The following GRM1 variants were observed in gnomAD, a reference collection of about 807,000 sequenced individuals.
GRM1 encodes metabotropic glutamate receptor 1.
Under a neutral mutation model 90.9 loss-of-function variants are expected in GRM1, and 33 were observed. The ratio of observed to expected loss-of-function variants is 0.36; its 90% CI spans 0.28 to 0.49. GRM1 has a LOEUF of 0.49. GRM1 is among the 20% of genes least tolerant of loss of function. The pLI, the probability that GRM1 is intolerant of heterozygous loss-of-function variation, is 0.99. For missense variants in GRM1, 1,190 were observed against 1,534.3 expected, an observed-to-expected ratio of 0.78 and a Z score of 3.75; for synonymous variants, 700 against 613.2, an observed-to-expected ratio of 1.14 and a Z score of -2.09.
intron 7 of GRM1, among the ~76,000 whole-genome samples, chr6:146,416,279 C>T (rs952571767): frequency 1.3e-5 from 2 of 151,612 alleles, no homozygotes; most frequent in African/African-American, 2.4e-5. Flanking sequence ...ATTTATGTTC[C>T]ATTTTATTTT....
At chr6:146,088,471 G>A (rs1776616397) in intron 1 of GRM1, among the ~76,000 whole-genome samples, 1 of 152,072 alleles carries the variant, frequency 6.6e-6, no homozygotes, top group South Asian at 2.1e-4. Flanking sequence ...TGAGTGATTG[G>A]AGCTGTAATC....
chr6:146,071,044 T>G, intron 1 of GRM1, among the ~76,000 whole-genome samples: 1 of 152,218 alleles, frequency 6.6e-6, no homozygotes, highest in Non-Finnish European at 1.5e-5. Context: ...TCTGGATTTC[T>G]CTTCCAAATT....
chr6:146,117,369 T>C (rs1340551876), intron 1 of GRM1, among the ~76,000 whole-genome samples: 1 of 151,944 alleles, frequency 6.6e-6, no homozygotes, highest in Non-Finnish European at 1.5e-5. Context: ...GTTGCTGGTA[T>C]TCATCCAGTG....
At chr6:146,294,199 A>C (rs1783095126) in intron 2 of GRM1, among the ~76,000 whole-genome samples, 1 of 151,644 alleles carries the variant, frequency 6.6e-6, no homozygotes, top group African/African-American at 2.4e-5. Context: ...CTCTTTTTTA[A>C]AAAATATAAG....
intron 1 of GRM1, among the ~76,000 whole-genome samples, chr6:146,038,114 T>G (rs1199206936): frequency 2.0e-5 from 3 of 151,986 alleles, no homozygotes; most frequent in Non-Finnish European, 4.4e-5. Flanking sequence ...TCCAGCTCCT[T>G]CAGGGCAGAA....
At chr6:146,141,389 TA>T (rs1369067654) in intron 1 of GRM1, among the ~76,000 whole-genome samples, 1 of 152,114 alleles carries the variant, frequency 6.6e-6, no homozygotes, top group Non-Finnish European at 1.5e-5. Flanking sequence ...ATCTGCTTGG[TA>T]TTCTATAACT....
intron 1 of GRM1, among the ~76,000 whole-genome samples, chr6:146,041,647 C>T (rs1273487333): frequency 6.6e-6 from 1 of 151,926 alleles, no homozygotes; most frequent in Non-Finnish European, 1.5e-5. Context: ...TGCTGAACCT[C>T]CTCTCTGACT....
intron 2 of GRM1, among the ~76,000 whole-genome samples, chr6:146,231,100 T>G (rs1482336447): frequency 6.6e-6 from 1 of 152,140 alleles, no homozygotes; most frequent in Non-Finnish European, 1.5e-5. Flanking sequence ...ATTAAACATT[T>G]ATCCATGCCC....
intron 2 of GRM1, among the ~76,000 whole-genome samples, chr6:146,250,775 AC>A (rs765885165): frequency 2.0e-5 from 3 of 152,144 alleles, no homozygotes; most frequent in Non-Finnish European, 4.4e-5. Context: ...TCTATTATGA[AC>A]CCCATACCTT....
chr6:146,351,172 G>C (rs1583368775), intron 3 of GRM1, among the ~76,000 whole-genome samples: 1 of 152,118 alleles, frequency 6.6e-6, no homozygotes, highest in Non-Finnish European at 1.5e-5. Context: ...TTGGAACAAA[G>C]GGCAGCTGGC....
chr6:146,358,992 T>C (rs1174249456), intron 5 of GRM1, among the ~76,000 whole-genome samples: 1 of 152,206 alleles, frequency 6.6e-6, no homozygotes, highest in Non-Finnish European at 1.5e-5. Flanking sequence ...ACTGGAGGCC[T>C]CATGCCATGG....
intron 2 of GRM1, among the ~76,000 whole-genome samples, chr6:146,253,964 A>G (rs1055931928): frequency 1.3e-5 from 2 of 151,614 alleles, no homozygotes; most frequent in Non-Finnish European, 2.9e-5. Context: ...ATAAGACAAT[A>G]TTTTACTTTT....
chr6:146,053,238 C>T (rs2128849666), intron 1 of GRM1, among the ~76,000 whole-genome samples: 1 of 152,174 alleles, frequency 6.6e-6, no homozygotes, highest in Admixed American at 6.5e-5. Flanking sequence ...ATTCACTTCA[C>T]AATACTTATT....
At chr6:146,396,107 C>G (rs1323200818) in intron 6 of GRM1, among the ~76,000 whole-genome samples, 1 of 34,660 alleles carries the variant, frequency 2.9e-5, no homozygotes, top group African/African-American at 7.5e-5. Flanking sequence ...TATCTATCGT[C>G]TATATATATA....
intron 1 of GRM1, among the ~76,000 whole-genome samples, chr6:146,063,008 G>T (rs140047665): frequency 2.0e-5 from 3 of 150,660 alleles, no homozygotes; most frequent in Non-Finnish European, 4.4e-5. Flanking sequence ...TTTTTCCTTC[G>T]CATTCATCTT....
At chr6:146,375,809 G>A (rs1776078999) in intron 5 of GRM1, among the ~76,000 whole-genome samples, 1 of 151,828 alleles carries the variant, frequency 6.6e-6, no homozygotes, top group Admixed American at 6.6e-5. Context: ...TTTGTAGGCA[G>A]CAGCTTTTAG....
intron 1 of GRM1, among the ~76,000 whole-genome samples, chr6:146,115,716 A>T (rs185794467): frequency 1.8e-4 from 27 of 152,270 alleles, no homozygotes; most frequent in African/African-American, 6.5e-4. Context: ...GATTTTTCAT[A>T]GTATTTTACA....
At chr6:146,100,464 T>C (rs1777013351) in intron 1 of GRM1, among the ~76,000 whole-genome samples, 1 of 152,242 alleles carries the variant, frequency 6.6e-6, no homozygotes, top group Non-Finnish European at 1.5e-5. Context: ...ATTGATTTTA[T>C]ATATGGATAC....
At chr6:146,255,726 A>G (rs1319280769) in intron 2 of GRM1, among the ~76,000 whole-genome samples, 5 of 152,110 alleles carry the variant, frequency 3.3e-5, no homozygotes, top group East Asian at 3.9e-4. Context: ...CTAACAAACT[A>G]TCTGAACACG....
Sources: gnomAD v4.1 joint callset for allele counts (sites outside exome capture counted in the v4.1 genomes callset) on GRCh38, gnomAD v4.1.1 for gene constraint, MANE v1.5 for transcripts, NCBI Gene and HGNC (gene_info 2026-07-23, HGNC 2026-07-21) for gene names.